The following CDK6 variants were observed in gnomAD, a reference collection of about 807,000 sequenced individuals.
CDK6 encodes cyclin-dependent kinase 6.
A neutral mutation model predicts 37.1 loss-of-function variants in CDK6; 6 were observed. The ratio of observed to expected loss-of-function variants is 0.16; its 90% CI spans 0.09 to 0.32. The LOEUF (loss-of-function observed/expected upper bound fraction) is 0.32. CDK6 is among the 10% of genes least tolerant of loss of function. CDK6 has a pLI of 1.00. For synonymous variants in CDK6, 160 were observed against 161.3 expected, an observed-to-expected ratio of 0.99 and a Z score of 0.06; for missense variants, 224 against 418.9, an observed-to-expected ratio of 0.53 and a Z score of 4.06.
intron 3 of CDK6, among the ~76,000 whole-genome samples, chr7:92,771,119 C>G (rs1799704585): frequency 6.6e-6 from 1 of 151,420 alleles, no homozygotes; most frequent in African/African-American, 2.4e-5. Context: ...GCCTGTAATC[C>G]CAGCTACTCA....
rs542993752 is a variant in CDK6, at chr7:92,834,229, C to G, written c.-367-539G>C. On this transcript the variant is annotated intron_variant, in intron 1 of 7. Coordinates refer to ENST00000424848, the MANE Select transcript of CDK6 (RefSeq NM_001145306.2). This position sits in a 1 kb window ranked among gnomAD's most constrained non-coding sequence, Gnocchi z 4.6. Reference sequence around the variant, plus strand: ...AATGTGGGTGGGGGCTCCCAGGACCCTGTAACCCGATGCTGGGAGTGTGCG... The same window carrying G: ...AATGTGGGTGGGGGCTCCCAGGACCGTGTAACCCGATGCTGGGAGTGTGCG... 1.7e-4 allele frequency among the ~76,000 whole-genome samples: 26 copies of G among 152,258 alleles called. No homozygotes were observed. The South Asian group carries it at 3.5e-3, about 21-fold the overall frequency.
chr7:92,652,779 C>CT (rs1292857954), intron 5 of CDK6, among the ~76,000 whole-genome samples: 3 of 152,198 alleles, frequency 2.0e-5, no homozygotes, highest in Non-Finnish European at 4.4e-5. Context: ...GACAGTATCA[C>CT]TACAGGGCAA....
intron 4 of CDK6, among the ~76,000 whole-genome samples, chr7:92,678,862 G>A (rs763877907): frequency 6.6e-6 from 1 of 152,178 alleles, no homozygotes; most frequent in Non-Finnish European, 1.5e-5. Flanking sequence ...AGAAGCATGA[G>A]GTCAGGATCC....
chr7:92,817,300 C>T lies in CDK6; in HGVS notation c.233+15791G>A, dbSNP rs551364976. Among the ~76,000 whole-genome samples the T allele has an allele frequency of 2.6e-5, 4 of 151,942 alleles. No individual in the cohort carries two copies. The South Asian group carries it at 8.3e-4, about 32-fold the overall frequency. ...AAAATTTTAGCAATATATAAAAAGG[C>T]TACATCATGACCAAGTAGGGTTTAT... On this transcript the variant is annotated intron_variant, in intron 2 of 7. Transcript: ENST00000424848.
At chr7:92,794,595 C>T (rs1046966617) in intron 2 of CDK6, among the ~76,000 whole-genome samples, 1 of 152,068 alleles carries the variant, frequency 6.6e-6, no homozygotes, top group African/African-American at 2.4e-5. Flanking sequence ...CATCTGGTGA[C>T]GTCCCTACTG....
intron 2 of CDK6, among the ~76,000 whole-genome samples, chr7:92,788,559 T>G (rs1432031405): frequency 6.6e-6 from 1 of 152,260 alleles, no homozygotes; most frequent in Non-Finnish European, 1.5e-5. Flanking sequence ...TGGTCATTAC[T>G]GTTACCATTA....
chr7:92,711,924 T>G (rs1206899531), intron 4 of CDK6, among the ~76,000 whole-genome samples: 1 of 151,348 alleles, frequency 6.6e-6, no homozygotes, highest in East Asian at 1.9e-4. Context: ...ACAAAAAAAC[T>G]GAAGAAGGAA....
At chr7:92,662,264 G>A (rs532135495) in intron 5 of CDK6, among the ~76,000 whole-genome samples, 18 of 152,256 alleles carry the variant, frequency 1.2e-4, no homozygotes, top group African/African-American at 3.4e-4. Context: ...AACTCACTTC[G>A]AGGGCTTCAC....
intron 4 of CDK6, among the ~76,000 whole-genome samples, chr7:92,715,009 T>C (rs976632482): frequency 6.6e-6 from 1 of 152,190 alleles, no homozygotes; most frequent in Non-Finnish European, 1.5e-5. Flanking sequence ...TGATACCATG[T>C]GCAGTCCCTA....
chr7:92,765,432 C>T (rs146688922), intron 3 of CDK6, among the ~76,000 whole-genome samples: 2 of 152,200 alleles, frequency 1.3e-5, no homozygotes, highest in East Asian at 3.9e-4. Flanking sequence ...AGCTACAACA[C>T]AGATAATCCC....
At chr7:92,705,477 T>G (rs972337642) in intron 4 of CDK6, among the ~76,000 whole-genome samples, 1 of 152,114 alleles carries the variant, frequency 6.6e-6, no homozygotes, top group African/African-American at 2.4e-5. Flanking sequence ...TTGAGCAGCA[T>G]TAAAAAAACT....
intron 3 of CDK6, among the ~76,000 whole-genome samples, chr7:92,763,383 A>C (rs1020486285): frequency 2.6e-5 from 4 of 152,240 alleles, no homozygotes; most frequent in East Asian, 1.9e-4. Context: ...ATGGTTTACT[A>C]ATTTAAGACC....
At chr7:92,817,147 CT>C (rs1215547128) in intron 2 of CDK6, among the ~76,000 whole-genome samples, 1 of 151,870 alleles carries the variant, frequency 6.6e-6, no homozygotes, top group Non-Finnish European at 1.5e-5. Context: ...TACACAAAAT[CT>C]TTCAGAAAAT....
intron 4 of CDK6, among the ~76,000 whole-genome samples, chr7:92,706,370 C>T (rs556411828): frequency 3.3e-5 from 5 of 152,296 alleles, no homozygotes; most frequent in South Asian, 2.1e-4. Flanking sequence ...CCACTGCATT[C>T]CAGCTTGGAC....
intron 2 of CDK6, among the ~76,000 whole-genome samples, chr7:92,801,168 T>C (rs1800563491): frequency 6.6e-6 from 1 of 151,970 alleles, no homozygotes; most frequent in Admixed American, 6.5e-5. Context: ...AGAAAATAGA[T>C]AAAAATTTCA....
At chr7:92,730,708 T>TA (rs1798624698) in intron 3 of CDK6, among the ~76,000 whole-genome samples, 1 of 152,230 alleles carries the variant, frequency 6.6e-6, no homozygotes. Flanking sequence ...GTGTGTATCA[T>TA]AATTTCCTTC....
chr7:92,652,252 T>G (rs1340599744), intron 5 of CDK6, among the ~76,000 whole-genome samples: 1 of 152,202 alleles, frequency 6.6e-6, no homozygotes, highest in East Asian at 1.9e-4. Context: ...CTATTTGCCT[T>G]TGCATCACTT....
At chr7:92,727,755 A>T (rs1798547212) in intron 3 of CDK6, among the ~76,000 whole-genome samples, 1 of 152,080 alleles carries the variant, frequency 6.6e-6, no homozygotes. Flanking sequence ...GCTTCCCAAA[A>T]CCCTGGAGAA....
chr7:92,710,118 C>A (rs1025391752), intron 4 of CDK6, among the ~76,000 whole-genome samples: 5 of 152,200 alleles, frequency 3.3e-5, no homozygotes, highest in Admixed American at 3.3e-4. Flanking sequence ...CCTGTACATT[C>A]GTTGTTCACC....
Sources: gnomAD v4.1 joint callset for allele counts (sites outside exome capture counted in the v4.1 genomes callset) on GRCh38, gnomAD v4.1.1 for gene constraint, Gnocchi (gnomAD v3.1) non-coding constraint, MANE v1.5 for transcripts, NCBI Gene and HGNC (gene_info 2026-07-23, HGNC 2026-07-21) for gene names.